Variants in MAPK9 observed in about 807,000 individuals in gnomAD.
MAPK9 encodes the protein Jun kinase.
In MAPK9, 30 loss-of-function variants were observed where a neutral mutation model predicts 57.1. The observed-to-expected ratio is 0.53, with a 90% confidence interval of 0.39 to 0.71. The LOEUF (loss-of-function observed/expected upper bound fraction) is 0.71, where lower values mean the gene tolerates loss of function less well. Ranked by LOEUF, MAPK9 falls within the 30% of genes least tolerant of loss-of-function variation. MAPK9 has a pLI of 0.00. For missense variants in MAPK9, 362 were observed against 521.0 expected (o/e 0.69, Z 2.97); for synonymous variants, 155 against 177.0 (o/e 0.88, Z 0.99).
intron 1 of MAPK9, 26 bp from the exon 2 acceptor site, chr5:180,280,634 G>T: frequency 4.5e-6 from 7 of 1,547,744 alleles, no homozygotes; most frequent in Non-Finnish European, 6.2e-6. Context: ...GAATGAACGT[G>T]CATTCTTACC....
rs567716122 is a variant in MAPK9 at position 180,263,796 on chromosome 5, C to G, written c.311+985G>C. ...TCTTGGCTCACTGCAAGCTCCACCT[C>G]CCGGGTTCACACCATTCTCCTGCCT... On this transcript the variant is annotated intron_variant, in intron 4 of 11. Coordinates refer to ENST00000452135, the MANE Select transcript of MAPK9 (RefSeq NM_002752.5). 5.3e-5 allele frequency among the ~76,000 whole-genome samples: 8 copies of G among 151,132 alleles called. No individual in the cohort carries two copies. The South Asian group carries it at 1.7e-3, about 32-fold the overall frequency.
intron 5 of MAPK9, among the ~76,000 whole-genome samples, chr5:180,255,229 C>T (rs1759149783): frequency 1.3e-5 from 2 of 152,126 alleles, no homozygotes; most frequent in African/African-American, 4.8e-5. Context: ...AAAAATTTCT[C>T]TCCCCTGTGG....
intron 5 of MAPK9, among the ~76,000 whole-genome samples, chr5:180,255,689 C>T (rs1247331798): frequency 5.3e-5 from 8 of 152,148 alleles, no homozygotes. Flanking sequence ...AGCCAAACAC[C>T]ATCACATCCA....
rs532811231 is a variant in MAPK9 at position 180,233,196 on chromosome 5, A to G, written c.*3188T>C. ...CTAAACAGCCTGAAGTGCTTCAAAC[A>G]CAGACGTCAGATGAACTTGGCTCAT... On this transcript the variant is annotated 3_prime_UTR_variant, in exon 12 of 12. Transcript: ENST00000452135. 6.6e-6 allele frequency: 1 copy of G among 152,298 alleles called. No individual in the cohort carries two copies. The highest frequency in any genetic ancestry group is 1.9e-4 in the East Asian group (1 of 5,184). The allele number at this position is 152,298 out of a possible 1,614,324, so 9.4% of individuals were successfully genotyped here. A position where few individuals can be genotyped will look rare whatever the true frequency, so the allele number is the denominator to read the frequency against.
At chr5:180,267,749 C>T (rs574227230) in intron 3 of MAPK9, among the ~76,000 whole-genome samples, 1 of 152,140 alleles carries the variant, frequency 6.6e-6, no homozygotes, top group South Asian at 2.1e-4. Context: ...CCTATGGTCC[C>T]AGCTACTTGG....
At chr5:180,242,859 A>G (rs1757774934) in intron 7 of MAPK9, 104 bp from the exon 8 acceptor site, 2 of 790,046 alleles carry the variant, frequency 2.5e-6, no homozygotes, top group South Asian at 2.5e-5. Context: ...AGGCCACCCC[A>G]CTGGATCAGC....
chr5:180,267,561 CAAAAAAAAA>C (rs34776289), intron 3 of MAPK9, among the ~76,000 whole-genome samples: 1 of 89,862 alleles, frequency 1.1e-5, no homozygotes, highest in Non-Finnish European at 2.1e-5. Flanking sequence ...GACTCCGTCT[CAAAAAAAAA>C]AAAAAAAAAA....
chr5:180,276,891 T>C (rs567330577), intron 2 of MAPK9, among the ~76,000 whole-genome samples: 1 of 152,298 alleles, frequency 6.6e-6, no homozygotes, highest in South Asian at 2.1e-4. Context: ...AAAACTTATT[T>C]CCTAATAAAT....
At chr5:180,275,077 T>C (rs1193964351) in intron 2 of MAPK9, among the ~76,000 whole-genome samples, 1 of 152,240 alleles carries the variant, frequency 6.6e-6, no homozygotes, top group African/African-American at 2.4e-5. Flanking sequence ...ATCATAGCTA[T>C]TTAAAAATGT....
At chr5:180,238,518 A>G in intron 10 of MAPK9, 115 bp from the exon 11 acceptor site, 1 of 731,628 alleles carries the variant, frequency 1.4e-6, no homozygotes, top group South Asian at 1.7e-5. Flanking sequence ...GTTATTTTTA[A>G]TTGTAAGACA....
intron 5 of MAPK9, 56 bp downstream of exon 5, chr5:180,261,628 G>C (rs1759977933): frequency 4.1e-6 from 6 of 1,459,662 alleles, no homozygotes; most frequent in Non-Finnish European, 5.6e-6. Flanking sequence ...GTATGTAAAG[G>C]ATTATGACAA....
chr5:180,272,489 ACCC>A (rs1290092841), intron 2 of MAPK9, among the ~76,000 whole-genome samples: 2 of 152,056 alleles, frequency 1.3e-5, no homozygotes, highest in East Asian at 3.9e-4. Context: ...AGCTTCTCAC[ACCC>A]CCAACTAATT....
In MAPK9 at chr5:180,233,225, A is replaced by C. The variant is rs1355839412; in HGVS notation, c.*3159T>G. 3.9e-5 allele frequency: 6 copies of C among 152,234 alleles called. No individual in the cohort carries two copies. Among genetic ancestry groups the C allele is most frequent in the Non-Finnish European group, 7.3e-5 (5 of 68,068 alleles). 9.4% of individuals were successfully genotyped at this position (152,234 alleles called of 1,614,324 possible). A position where few individuals can be genotyped will look rare whatever the true frequency, so the allele number is the denominator to read the frequency against. Reference sequence around the variant, plus strand: ...ACGTCAGATGAACTTGGCTCATCCCAGGCACAAAGCCACAAGCACCATGAA... The same window carrying C: ...ACGTCAGATGAACTTGGCTCATCCCCGGCACAAAGCCACAAGCACCATGAA... On this transcript the variant is annotated 3_prime_UTR_variant, in exon 12 of 12. Coordinates refer to ENST00000452135, the MANE Select transcript of MAPK9 (RefSeq NM_002752.5).
chr5:180,244,298 CT>C (rs1353405085), intron 7 of MAPK9, among the ~76,000 whole-genome samples: 2 of 152,202 alleles, frequency 1.3e-5, no homozygotes, highest in Non-Finnish European at 2.9e-5. Context: ...CCTAACCCCC[CT>C]GACTCAAGGA....
chr5:180,262,795 G>A (rs943223646), intron 4 of MAPK9, among the ~76,000 whole-genome samples: 2 of 152,086 alleles, frequency 1.3e-5, no homozygotes, highest in Admixed American at 1.3e-4. Context: ...CCATTCTGCT[G>A]AAACTGTCCT....
chr5:180,279,959 T>C (rs1158235847), intron 2 of MAPK9: 3 of 456,542 alleles, frequency 6.6e-6, no homozygotes, highest in African/African-American at 6.0e-5. Flanking sequence ...CATCCCTTCC[T>C]GGTTAATCCA....
intron 1 of MAPK9, 36 bp from the exon 2 acceptor site, chr5:180,280,644 C>T (rs535094857): frequency 3.4e-5 from 52 of 1,521,916 alleles, no homozygotes; most frequent in African/African-American, 4.1e-5. Context: ...GCATTCTTAC[C>T]GGAAGTACAT....
At chr5:180,277,522 C>T (rs1018953884) in intron 2 of MAPK9, among the ~76,000 whole-genome samples, 3 of 152,178 alleles carry the variant, frequency 2.0e-5, no homozygotes, top group East Asian at 1.9e-4. Flanking sequence ...GTAATCACAC[C>T]GGCTAAATTC....
At position 180,239,917 on chromosome 5, in the gene MAPK9, T is replaced by C. The variant is rs760295092; in HGVS notation, c.1060+7A>G. The C allele has an allele frequency of 1.2e-6, 2 of 1,611,818 alleles. No individual in the cohort carries two copies. Among genetic ancestry groups the C allele is most frequent in the South Asian group, 1.1e-5 (1 of 91,034 alleles). On this transcript the variant is annotated splice_region_variant and intron_variant, in intron 10 of 11. Transcript: ENST00000452135. ...AAAGGAAGGATCAAAATAAGCTCCA[T>C]CTTTACCTTTCCATTCTTCAATTGC...
Sources: gnomAD v4.1 joint callset for allele counts (sites outside exome capture counted in the v4.1 genomes callset) on GRCh38, gnomAD v4.1.1 for gene constraint, MANE v1.5 for transcripts, NCBI Gene and HGNC (gene_info 2026-07-23, HGNC 2026-07-21) for gene names.